ECE1: variants seen among roughly 807,000 people sequenced by gnomAD.
ECE1 encodes endothelin-converting enzyme 1.
Under a neutral mutation model 98.6 loss-of-function variants are expected in ECE1, and 35 were observed. The ratio of observed to expected loss-of-function variants is 0.35; its 90% CI spans 0.27 to 0.47. The LOEUF (loss-of-function observed/expected upper bound fraction) is 0.47. ECE1 is among the 20% of genes least tolerant of loss of function. The probability of loss-of-function intolerance (pLI) is 1.00; values close to 1 mark genes in which losing one functional copy is unlikely to be tolerated. For synonymous variants in ECE1, 394 were observed against 407.1 expected, an observed-to-expected ratio of 0.97 and a Z score of 0.39; for missense variants, 814 against 1,025.3, an observed-to-expected ratio of 0.79 and a Z score of 2.81.
chr1:21,337,456 A>G (rs1257095728), intron 1 of ECE1, among the ~76,000 whole-genome samples: 5 of 152,194 alleles, frequency 3.3e-5, no homozygotes, highest in African/African-American at 9.7e-5. Context: ...AATGGTTCAC[A>G]CTTTGGTCCA....
intron 1 of ECE1, among the ~76,000 whole-genome samples, chr1:21,312,208 C>T (rs957347324): frequency 4.7e-5 from 7 of 148,480 alleles, no homozygotes; most frequent in African/African-American, 1.0e-4. Flanking sequence ...GAGGCTAAGG[C>T]GGGAGGATCG....
At chr1:21,336,730 C>G (rs949938845) in intron 1 of ECE1, among the ~76,000 whole-genome samples, 1 of 152,198 alleles carries the variant, frequency 6.6e-6, no homozygotes, top group African/African-American at 2.4e-5. Context: ...GTAGTCCCAG[C>G]TACTCAGGAG....
At chr1:21,253,767 T>TAA (rs571502222) in intron 8 of ECE1, among the ~76,000 whole-genome samples, 18 of 119,300 alleles carry the variant, frequency 1.5e-4, no homozygotes, top group South Asian at 5.4e-4. Context: ...TGTCTCAAAT[T>TAA]AAAAAAAAAA....
chr1:21,271,019 G>A (rs1274784448), intron 4 of ECE1, among the ~76,000 whole-genome samples: 1 of 152,216 alleles, frequency 6.6e-6, no homozygotes, highest in Non-Finnish European at 1.5e-5. Context: ...TAAGTGTCTG[G>A]TTCTAAAATG....
intron 2 of ECE1, among the ~76,000 whole-genome samples, chr1:21,281,739 CAG>C (rs577725071): frequency 1.1e-3 from 168 of 152,310 alleles, no homozygotes; most frequent in African/African-American, 3.8e-3. Context: ...CTCTGTTACC[CAG>C]GCTGGAGTGC....
At chr1:21,330,813 C>T (rs187628294) in intron 1 of ECE1, among the ~76,000 whole-genome samples, 19 of 152,320 alleles carry the variant, frequency 1.2e-4, no homozygotes, top group African/African-American at 4.6e-4. Context: ...CCTATCCGCT[C>T]ACCCCTGAGC....
intron 1 of ECE1, chr1:21,298,451 C>T (rs2103374303): frequency 3.2e-6 from 1 of 309,236 alleles, no homozygotes; most frequent in South Asian, 2.8e-5. Context: ...CAATTTTATG[C>T]TTTGGCTTTC....
At chr1:21,308,897 C>T (rs569076315) in intron 1 of ECE1, among the ~76,000 whole-genome samples, 1 of 152,306 alleles carries the variant, frequency 6.6e-6, no homozygotes, top group East Asian at 1.9e-4. Flanking sequence ...GGCTATGAGC[C>T]ACAGCTTCTT....
intron 9 of ECE1, among the ~76,000 whole-genome samples, chr1:21,246,950 G>A (rs962765175): frequency 6.6e-6 from 1 of 152,222 alleles, no homozygotes; most frequent in Non-Finnish European, 1.5e-5. Context: ...GTTCATGCCC[G>A]GCCACAGGTG....
chr1:21,234,268 G>A (rs978546171), intron 13 of ECE1, among the ~76,000 whole-genome samples: 5 of 151,948 alleles, frequency 3.3e-5, no homozygotes, highest in Non-Finnish European at 5.9e-5. Context: ...GATTACAGGC[G>A]TGAGCCACCA....
chr1:21,246,028 G>A (rs937917570), intron 9 of ECE1, among the ~76,000 whole-genome samples: 2 of 152,074 alleles, frequency 1.3e-5, no homozygotes, highest in Non-Finnish European at 2.9e-5. Context: ...ATTTTGAGAG[G>A]CCAAGGTGGG....
In ECE1 at chr1:21,272,784, G is replaced by A. The variant is rs1285455858; in HGVS notation, c.408C>T (p.Ala136=). 7 of 1,614,148 alleles carry A rather than the reference G, an allele frequency of 4.3e-6. No homozygotes were observed. The highest frequency in any genetic ancestry group is 1.3e-5 in the African/African-American group (1 of 74,944). The change falls in exon 4 of 19, where the codon GCC becomes GCT. Residue 136 remains alanine, a synonymous_variant. Transcript: ENST00000374893. ...FSYACGGWIK[A]NPVPDGHSRW... ...GTGAGTGGCCATCAGGGACTGGGTT[G>A]GCCTTGATCCAGCCCCCACAGGCGT...
chr1:21,274,318 C>T (rs191938707), intron 3 of ECE1, among the ~76,000 whole-genome samples: 2 of 152,342 alleles, frequency 1.3e-5, no homozygotes, highest in East Asian at 3.9e-4. Flanking sequence ...TGCAGCCTGA[C>T]TGCTGAGATC....
At chr1:21,299,983 T>C (rs965780557) in intron 1 of ECE1, among the ~76,000 whole-genome samples, 1 of 152,196 alleles carries the variant, frequency 6.6e-6, no homozygotes, top group Non-Finnish European at 1.5e-5. Context: ...ACTTAGGCAC[T>C]CAATGAGCTC....
At position 21,345,249 on chromosome 1, in the gene ECE1, G is replaced by T; in HGVS notation, c.3+127C>A. The T allele has an allele frequency of 8.7e-7, 1 of 1,155,474 alleles. No homozygotes were observed. The allele number at this position is 1,155,474 out of a possible 1,614,324, so 71.6% of individuals were successfully genotyped here. A position where few individuals can be genotyped will look rare whatever the true frequency, so the allele number is the denominator to read the frequency against. On this transcript the variant is annotated intron_variant, in intron 1 of 18. Coordinates refer to the ECE1 transcript ENST00000415912. This position sits in a 1 kb window ranked among gnomAD's most constrained non-coding sequence, Gnocchi z 5.1. ...CACGCCTTCCGAGAGCCGGGCGGGG[G>T]CTGCTGCTGCAGCCGGCGCCCAGCC... is the stretch of plus-strand genomic sequence containing the variant.
Position 21,307,443 on chromosome 1 carries a change from C to T in ECE1, c.4-17287G>A, listed in dbSNP as rs1253748275. 6.6e-6 allele frequency among the ~76,000 whole-genome samples: 1 copy of T among 152,186 alleles called. No homozygotes were observed. The highest frequency in any genetic ancestry group is 2.4e-5 in the African/African-American group (1 of 41,438). On this transcript the variant is annotated intron_variant, in intron 1 of 18. Transcript: ENST00000415912. This position sits in a 1 kb window ranked among gnomAD's most constrained non-coding sequence, Gnocchi z 4.2. ...CTTCCTTGCCGGGGGTTATGAGCAT[C>T]TAGTGAGACACCACTAGAGTCTGTG...
intron 2 of ECE1, among the ~76,000 whole-genome samples, chr1:21,289,774 C>A (rs910039050): frequency 1.3e-5 from 2 of 152,046 alleles, no homozygotes; most frequent in African/African-American, 2.4e-5. Context: ...GGAACTGGAC[C>A]AGTTCGGGTC....
chr1:21,334,954 C>G (rs1639277328), intron 1 of ECE1, among the ~76,000 whole-genome samples: 1 of 152,128 alleles, frequency 6.6e-6, no homozygotes, highest in Non-Finnish European at 1.5e-5. Flanking sequence ...CAAGCCCAGT[C>G]GCCCCTCAAC....
chr1:21,313,361 G>A (rs183954186), intron 1 of ECE1, among the ~76,000 whole-genome samples: 1 of 152,200 alleles, frequency 6.6e-6, no homozygotes, highest in Admixed American at 6.5e-5. Flanking sequence ...TGCTTGCCTG[G>A]GGGGATGGAG....
Sources: allele counts gnomAD v4.1 joint callset (sites outside exome capture counted in the v4.1 genomes callset), GRCh38; gene constraint gnomAD v4.1.1; non-coding constraint Gnocchi (gnomAD v3.1); transcripts MANE v1.5; gene names NCBI Gene and HGNC (gene_info 2026-07-23, HGNC 2026-07-21).